The following TG variants were observed in gnomAD, a reference collection of about 807,000 sequenced individuals.
The protein encoded by TG is thyroglobulin.
In TG, 270 loss-of-function variants were observed where a neutral mutation model predicts 324.7. The observed-to-expected ratio is 0.83, with a 90% CI of 0.75 to 0.92. The LOEUF is 0.92. TG is among the 40% of genes least tolerant of loss of function. The probability of loss-of-function intolerance (pLI) is 0.00; values close to 1 mark genes in which losing one functional copy is unlikely to be tolerated. For missense variants in TG, 3,591 were observed against 3,456.4 expected, an observed-to-expected ratio of 1.04 and a Z score of -0.98; for synonymous variants, 1,401 against 1,327.0, an observed-to-expected ratio of 1.06 and a Z score of -1.21.
intron 35 of TG, among the ~76,000 whole-genome samples, chr8:132,998,064 T>C (rs1011072207): frequency 1.3e-5 from 2 of 152,060 alleles, no homozygotes; most frequent in Non-Finnish European, 2.9e-5. Context: ...TTGGGGGTAA[T>C]TGATAGATGG....
intron 41 of TG, among the ~76,000 whole-genome samples, chr8:133,044,765 G>C (rs561548047): frequency 1.3e-4 from 20 of 152,240 alleles, no homozygotes; most frequent in Non-Finnish European, 2.5e-4. Flanking sequence ...TTCGAGAGAG[G>C]GCAAATTTGA....
At chr8:132,940,200 C>G (rs1463796433) in intron 25 of TG, among the ~76,000 whole-genome samples, 1 of 152,152 alleles carries the variant, frequency 6.6e-6, no homozygotes, top group Non-Finnish European at 1.5e-5. Context: ...GGGTGATCTG[C>G]CAGACTGACG....
intron 3 of TG, among the ~76,000 whole-genome samples, 167 bp downstream of exon 3, chr8:132,869,993 C>T (rs904387371): frequency 6.6e-6 from 1 of 152,172 alleles, no homozygotes; most frequent in Non-Finnish European, 1.5e-5. Context: ...GGCCCTATTT[C>T]CTGCAGGGCC....
At position 132,991,292 on chromosome 8, in the gene TG, C is replaced by T. The variant is rs79657253; in HGVS notation, c.6262+7880C>T. On this transcript the variant is annotated intron_variant, in intron 35 of 47. Transcript: ENST00000220616. ...TGCACTCTAATAATCCAGACTGGGA[C>T]GTGTCTGACGGTGGAATGCATGCCT... Among the ~76,000 whole-genome samples the T allele has an allele frequency of 1.9e-4, 29 of 152,118 alleles. No individual in the cohort carries two copies. In the East Asian group the frequency reaches 3.9e-3, roughly 20 times the overall value.
chr8:132,957,162 G>A (rs537227686), intron 27 of TG, among the ~76,000 whole-genome samples: 6 of 152,276 alleles, frequency 3.9e-5, no homozygotes, highest in African/African-American at 1.2e-4. Context: ...TCCTTGTGGT[G>A]ATTGACAAAG....
chr8:133,133,801 G>A, intron 47 of TG, 141 bp downstream of exon 47: 2 of 990,750 alleles, frequency 2.0e-6, no homozygotes, highest in South Asian at 1.4e-5. Flanking sequence ...CCTGTGAGTT[G>A]TTCATGGTCT....
chr8:133,123,730 C>A (rs1431204422), intron 45 of TG, among the ~76,000 whole-genome samples: 2 of 152,218 alleles, frequency 1.3e-5, no homozygotes, highest in African/African-American at 2.4e-5. Context: ...GCACCCCCAG[C>A]CCTGGTCTGT....
intron 37 of TG, among the ~76,000 whole-genome samples, chr8:133,015,836 G>C (rs1263338533): frequency 6.6e-6 from 1 of 152,218 alleles, no homozygotes; most frequent in African/African-American, 2.4e-5. Flanking sequence ...AACAGCAACT[G>C]TTCCTTTCCA....
At chr8:132,926,387 C>A (rs1821871915) in intron 22 of TG, among the ~76,000 whole-genome samples, 1 of 152,222 alleles carries the variant, frequency 6.6e-6, no homozygotes, top group Non-Finnish European at 1.5e-5. Flanking sequence ...CTATGCAATG[C>A]CCCTTAAATC....
chr8:132,969,345 A>G, intron 31 of TG, 113 bp from the exon 32 acceptor site: 1 of 782,114 alleles, frequency 1.3e-6, no homozygotes, highest in East Asian at 2.5e-5. Flanking sequence ...ATATGAATTT[A>G]ATATGTCATC....
intron 43 of TG, chr8:133,106,365 A>G (rs908953949): frequency 1.0e-6 from 1 of 981,476 alleles, no homozygotes; most frequent in African/African-American, 1.8e-5. Context: ...GGCCAATGCA[A>G]GGACACCCAG....
intron 41 of TG, among the ~76,000 whole-genome samples, chr8:133,043,207 T>C (rs907179230): frequency 6.6e-6 from 1 of 152,132 alleles, no homozygotes; most frequent in Non-Finnish European, 1.5e-5. Flanking sequence ...ATATTCCCCA[T>C]GGTCAAGCAG....
intron 16 of TG, among the ~76,000 whole-genome samples, chr8:132,902,573 A>T (rs1320434746): frequency 6.6e-6 from 1 of 152,140 alleles, no homozygotes; most frequent in African/African-American, 2.4e-5. Flanking sequence ...CTTCATCCGC[A>T]TCTTGACTCT....
chr8:133,023,470 A>G (rs536913509), intron 40 of TG, among the ~76,000 whole-genome samples: 48 of 152,150 alleles, frequency 3.2e-4, no homozygotes, highest in African/African-American at 1.1e-3. Flanking sequence ...TTTCACATAT[A>G]TGTCGTGGTA....
At chr8:132,906,617 C>A in intron 16 of TG, 71 bp from the exon 17 acceptor site, 1 of 1,567,172 alleles carries the variant, frequency 6.4e-7, no homozygotes, top group East Asian at 2.2e-5. Context: ...AGGAGACACC[C>A]ACAAGCAGGC....
At chr8:132,994,713 C>T (rs979036782) in intron 35 of TG, 55 of 1,288,280 alleles carry the variant, frequency 4.3e-5, no homozygotes, top group Non-Finnish European at 5.4e-5. Context: ...CTCTTCTCCC[C>T]AGTGTTTAAA....
intron 26 of TG, among the ~76,000 whole-genome samples, chr8:132,944,687 C>G (rs1824970024): frequency 6.6e-6 from 1 of 152,188 alleles, no homozygotes; most frequent in African/African-American, 2.4e-5. Flanking sequence ...ACTGTTTCCA[C>G]CTCCTCCTCT....
Position 132,923,517 on chromosome 8 carries a change from TG to T in TG, c.4699+14del. ...GGACTCACAGTGTTTGAGTAGGTGCTGGGGGTGAAATCAGTCATGGTTCCTG... is the reference window on the plus strand; with the variant it reads ...GGACTCACAGTGTTTGAGTAGGTGCTGGGGTGAAATCAGTCATGGTTCCTG... On this transcript the variant is annotated intron_variant, in intron 22 of 47. Coordinates refer to ENST00000220616, the MANE Select transcript of TG (RefSeq NM_003235.5). 13 of 1,611,950 alleles carry T rather than the reference TG, an allele frequency of 8.1e-6. No homozygotes were observed. The highest frequency in any genetic ancestry group is 1.1e-5 in the Non-Finnish European group (13 of 1,178,260).
At chr8:133,065,514 C>A (rs2131370790) in intron 41 of TG, among the ~76,000 whole-genome samples, 1 of 152,314 alleles carries the variant, frequency 6.6e-6, no homozygotes, top group Middle Eastern at 3.4e-3. Flanking sequence ...GTGATCCTAG[C>A]ACTTTGGGAA....
Sources: allele counts gnomAD v4.1 joint callset (sites outside exome capture counted in the v4.1 genomes callset), GRCh38; gene constraint gnomAD v4.1.1; transcripts MANE v1.5; gene names NCBI Gene and HGNC (gene_info 2026-07-23, HGNC 2026-07-21).